STPG2: variants seen among roughly 807,000 people sequenced by gnomAD.
STPG2 encodes sperm-tail PG-rich repeat-containing protein 2.
A neutral mutation model predicts 54.2 loss-of-function variants in STPG2; 56 were observed. That is an observed-to-expected ratio of 1.03 (90% confidence interval 0.83 to 1.29). The LOEUF is 1.29. Ranked by LOEUF, STPG2 falls within the 50% of genes most tolerant of loss-of-function variation. The probability of loss-of-function intolerance (pLI) is 0.00; values close to 1 mark genes in which losing one functional copy is unlikely to be tolerated. For synonymous variants in STPG2, 200 were observed against 181.8 expected (o/e 1.10, Z -0.81); for missense variants, 596 against 544.9 (o/e 1.09, Z -0.93).
intron 8 of STPG2, among the ~76,000 whole-genome samples, chr4:97,850,299 AAAATAAAT>A (rs35675294): frequency 9.4e-6 from 1 of 106,896 alleles, no homozygotes; most frequent in Non-Finnish European, 1.8e-5. Flanking sequence ...GAGGGAAAGA[AAAATAAAT>A]AAATAAATAA....
At chr4:97,596,783 T>C (rs1360227334) in intron 10 of STPG2, among the ~76,000 whole-genome samples, 1 of 152,078 alleles carries the variant, frequency 6.6e-6, no homozygotes, top group Non-Finnish European at 1.5e-5. Context: ...GAGAGAAGTT[T>C]AATAGCACTA....
At chr4:98,029,861 T>A (rs1242277375) in intron 5 of STPG2, among the ~76,000 whole-genome samples, 1 of 152,162 alleles carries the variant, frequency 6.6e-6, no homozygotes, top group Non-Finnish European at 1.5e-5. Flanking sequence ...TGCACACTTA[T>A]CAGTATCTCA....
intron 9 of STPG2, among the ~76,000 whole-genome samples, chr4:97,835,301 A>G (rs1307848386): frequency 6.6e-6 from 1 of 152,116 alleles, no homozygotes; most frequent in Non-Finnish European, 1.5e-5. Context: ...TATATGGTCT[A>G]AAAATGGAAG....
chr4:97,535,799 T>C (rs1051189176), intron 4 of STPG2, among the ~76,000 whole-genome samples: 15 of 152,158 alleles, frequency 9.9e-5, no homozygotes, highest in Admixed American at 1.3e-4. Flanking sequence ...AATTTTCAGT[T>C]TATTTATTTT....
At chr4:97,997,987 C>T (rs1043531929) in intron 5 of STPG2, among the ~76,000 whole-genome samples, 1 of 151,960 alleles carries the variant, frequency 6.6e-6, no homozygotes, top group Non-Finnish European at 1.5e-5. Flanking sequence ...GAACGGAGTG[C>T]GAAAAGAAGC....
At chr4:97,899,750 G>A (rs115958481) in intron 8 of STPG2, among the ~76,000 whole-genome samples, 441 of 152,144 alleles carry the variant, frequency 2.9e-3, no homozygotes, top group African/African-American at 7.2e-3. Context: ...AAATGGTGCC[G>A]GGATAACTGG....
intron 9 of STPG2, among the ~76,000 whole-genome samples, chr4:97,716,048 C>A (rs113107802): frequency 6.6e-6 from 1 of 152,258 alleles, no homozygotes; most frequent in African/African-American, 2.4e-5. Flanking sequence ...ACAGACACTT[C>A]TCAAAAGAAG....
At chr4:98,012,014 A>G (rs1409718675) in intron 5 of STPG2, among the ~76,000 whole-genome samples, 1 of 152,172 alleles carries the variant, frequency 6.6e-6, no homozygotes, top group Non-Finnish European at 1.5e-5. Flanking sequence ...CATTTTCGTC[A>G]TGAAATCTTT....
chr4:97,545,464 G>C (rs986000859), intron 4 of STPG2, among the ~76,000 whole-genome samples: 3 of 152,068 alleles, frequency 2.0e-5, no homozygotes, highest in African/African-American at 7.2e-5. Context: ...TAAGCAATGA[G>C]ATTGCAAAAA....
At chr4:97,722,211 T>C (rs1053847419) in intron 9 of STPG2, among the ~76,000 whole-genome samples, 3 of 151,984 alleles carry the variant, frequency 2.0e-5, no homozygotes, top group Non-Finnish European at 2.9e-5. Context: ...AAATGAGACA[T>C]AAATTATCAC....
chr4:97,634,675 G>C (rs1293132792), intron 10 of STPG2, among the ~76,000 whole-genome samples: 1 of 151,824 alleles, frequency 6.6e-6, no homozygotes. Context: ...ACCAAGGCTC[G>C]AGAACTAGGT....
intron 10 of STPG2, among the ~76,000 whole-genome samples, chr4:97,574,705 GC>G (rs1475066407): frequency 6.6e-6 from 1 of 151,872 alleles, no homozygotes; most frequent in African/African-American, 2.4e-5. Context: ...ATCCTTTTCA[GC>G]AAAAAAGTGG....
intron 4 of STPG2, among the ~76,000 whole-genome samples, chr4:97,531,637 T>A (rs1476045480): frequency 6.6e-6 from 1 of 152,158 alleles, no homozygotes; most frequent in East Asian, 1.9e-4. Flanking sequence ...TGTTCTCACT[T>A]ATTTGTGGGA....
intron 9 of STPG2, among the ~76,000 whole-genome samples, chr4:97,720,586 G>T (rs1724418368): frequency 6.6e-6 from 1 of 151,956 alleles, no homozygotes. Flanking sequence ...TCTAAAAGGT[G>T]AACTGGGTCT....
intron 8 of STPG2, among the ~76,000 whole-genome samples, chr4:97,940,414 C>T (rs1283307607): frequency 1.3e-5 from 2 of 152,146 alleles, no homozygotes. Context: ...TTGCTTTTTT[C>T]CCTTCCCTTT....
chr4:97,560,373 G>A (rs1732194001), intron 10 of STPG2, among the ~76,000 whole-genome samples: 1 of 152,026 alleles, frequency 6.6e-6, no homozygotes, highest in Admixed American at 6.6e-5. Flanking sequence ...TTTCCTTTTT[G>A]GAGTACTAGA....
At chr4:97,465,889 T>A (rs573402425) in intron 4 of STPG2, among the ~76,000 whole-genome samples, 3 of 152,182 alleles carry the variant, frequency 2.0e-5, no homozygotes, top group Admixed American at 2.0e-4. Flanking sequence ...TGAACTGTAA[T>A]GTTCTTGAGT....
intron 9 of STPG2, among the ~76,000 whole-genome samples, chr4:97,731,619 G>A (rs1314606518): frequency 6.6e-6 from 1 of 152,140 alleles, no homozygotes; most frequent in Non-Finnish European, 1.5e-5. Flanking sequence ...CCAGATGCCT[G>A]GGCTGTTAGG....
intron 9 of STPG2, among the ~76,000 whole-genome samples, chr4:97,744,244 T>C (rs573791656): frequency 6.6e-6 from 1 of 151,464 alleles, no homozygotes; most frequent in South Asian, 2.1e-4. Flanking sequence ...ATTTCATTTA[T>C]ATTACTCATA....
Sources: gnomAD v4.1 joint callset for allele counts (sites outside exome capture counted in the v4.1 genomes callset) on GRCh38, gnomAD v4.1.1 for gene constraint, MANE v1.5 for transcripts, NCBI Gene and HGNC (gene_info 2026-07-23, HGNC 2026-07-21) for gene names.